OPCML: variants seen among roughly 807,000 people sequenced by gnomAD.
OPCML encodes the protein opioid-binding protein/cell adhesion molecule.
A neutral mutation model predicts 37.8 loss-of-function variants in OPCML; 13 were observed. The ratio of observed to expected loss-of-function variants is 0.34; its 90% confidence interval spans 0.22 to 0.55. The LOEUF (loss-of-function observed/expected upper bound fraction) is 0.55. Ranked by LOEUF, OPCML falls within the 20% of genes least tolerant of loss-of-function variation. OPCML has a pLI of 0.91. For synonymous variants in OPCML, 176 were observed against 168.8 expected, an observed-to-expected ratio of 1.04 and a Z score of -0.33; for missense variants, 341 against 435.6, an observed-to-expected ratio of 0.78 and a Z score of 1.93.
At chr11:133,507,703 G>A (rs1387278483) in intron 1 of OPCML, among the ~76,000 whole-genome samples, 1 of 152,126 alleles carries the variant, frequency 6.6e-6, no homozygotes, top group Admixed American at 6.5e-5. Context: ...CCAGCACTTT[G>A]GGAGGCCGAG....
chr11:132,990,243 T>C (rs1038947211), intron 1 of OPCML, among the ~76,000 whole-genome samples: 2 of 152,184 alleles, frequency 1.3e-5, no homozygotes, highest in African/African-American at 4.8e-5. Flanking sequence ...ACCGAGTCCT[T>C]TGTGTGCACA....
chr11:132,937,625 T>G (rs1945435469), intron 2 of OPCML, among the ~76,000 whole-genome samples: 1 of 145,246 alleles, frequency 6.9e-6, no homozygotes. Context: ...TGTGTGTGTG[T>G]GTGTGTGTGT....
intron 1 of OPCML, among the ~76,000 whole-genome samples, chr11:133,028,778 C>T (rs1472225166): frequency 6.6e-6 from 1 of 151,980 alleles, no homozygotes; most frequent in Non-Finnish European, 1.5e-5. Flanking sequence ...CTAGGAAATA[C>T]TCTTCCAGAC....
At chr11:132,954,443 T>A (rs1035787916) in intron 1 of OPCML, among the ~76,000 whole-genome samples, 2 of 151,986 alleles carry the variant, frequency 1.3e-5, no homozygotes, top group African/African-American at 4.8e-5. Flanking sequence ...TTTTAAAGAC[T>A]CAAAGGAAAA....
At chr11:133,039,356 G>T (rs1348636363) in intron 1 of OPCML, among the ~76,000 whole-genome samples, 1 of 152,170 alleles carries the variant, frequency 6.6e-6, no homozygotes, top group African/African-American at 2.4e-5. Flanking sequence ...CCAAGGACTA[G>T]TTTTTACATT....
At chr11:132,612,161 G>T (rs896224052) in intron 3 of OPCML, among the ~76,000 whole-genome samples, 6 of 152,148 alleles carry the variant, frequency 3.9e-5, no homozygotes, top group Non-Finnish European at 8.8e-5. Context: ...AAGAATGTAG[G>T]CTGGATCTCA....
chr11:133,298,969 T>A (rs1204638848), intron 1 of OPCML: 3 of 152,062 alleles, frequency 2.0e-5, no homozygotes, highest in African/African-American at 7.2e-5. Flanking sequence ...GAGAAGGAAG[T>A]TCTTAGACCC....
At chr11:132,931,391 G>A (rs74830730) in intron 2 of OPCML, among the ~76,000 whole-genome samples, 1 of 152,110 alleles carries the variant, frequency 6.6e-6, no homozygotes, top group African/African-American at 2.4e-5. Flanking sequence ...GCAATCCACA[G>A]AATGGGAGGG....
chr11:133,393,077 G>A (rs565911934), intron 1 of OPCML, among the ~76,000 whole-genome samples: 14 of 147,776 alleles, frequency 9.5e-5, no homozygotes, highest in African/African-American at 2.0e-4. Flanking sequence ...ATGATTTCAC[G>A]GTTTAAAACA....
intron 1 of OPCML, among the ~76,000 whole-genome samples, chr11:133,190,473 G>A (rs1444345107): frequency 1.3e-5 from 2 of 151,660 alleles, no homozygotes; most frequent in East Asian, 3.9e-4. Context: ...CATCTTTATT[G>A]AGATATAGTT....
chr11:132,593,659 G>A (rs2246352), intron 3 of OPCML, among the ~76,000 whole-genome samples: 42,629 of 151,994 alleles, frequency 0.28, 6,902 homozygotes, highest in East Asian at 0.65. Context: ...GAGAAATGGA[G>A]AGAATTCTCT....
intron 2 of OPCML, among the ~76,000 whole-genome samples, chr11:132,718,612 A>G (rs1372601727): frequency 1.3e-5 from 2 of 152,142 alleles, no homozygotes; most frequent in Non-Finnish European, 2.9e-5. Context: ...TGACGTGTCC[A>G]TACGTGTCCT....
chr11:132,665,665 A>G (rs1314387849), intron 2 of OPCML, among the ~76,000 whole-genome samples: 1 of 152,186 alleles, frequency 6.6e-6, no homozygotes, highest in African/African-American at 2.4e-5. Context: ...CAGAAAGGCC[A>G]GAGAAAGCTC....
chr11:132,897,403 C>G (rs1283939319), intron 2 of OPCML, among the ~76,000 whole-genome samples: 3 of 152,162 alleles, frequency 2.0e-5, no homozygotes, highest in Admixed American at 1.3e-4. Flanking sequence ...AGGGCATGCA[C>G]AGCAGCAGTC....
chr11:133,532,062 G>T, intron 1 of OPCML: 1 of 388,852 alleles, frequency 2.6e-6, no homozygotes, highest in South Asian at 1.1e-4. Flanking sequence ...AGCAAATCCC[G>T]TGCTGAAAGC....
chr11:132,809,656 T>G (rs1939214486), intron 2 of OPCML, among the ~76,000 whole-genome samples: 1 of 152,058 alleles, frequency 6.6e-6, no homozygotes, highest in South Asian at 2.1e-4. Context: ...ACTAAAAATT[T>G]TAATTAAAAA....
intron 1 of OPCML, among the ~76,000 whole-genome samples, chr11:133,508,709 G>A (rs765346315): frequency 3.9e-5 from 6 of 152,176 alleles, no homozygotes; most frequent in Admixed American, 6.5e-5. Context: ...CTTCTGCCCC[G>A]TGACTTTACA....
rs897244751 is a variant in OPCML, at chr11:132,591,068, C to T, written c.380-61882G>A. ...TTTCTCCTCCCTTCCGTCTTCTCTC[C>T]TGCTCAGATTTGCACAAAGCAAGAT... On this transcript the variant is annotated intron_variant, in intron 3 of 7. Coordinates refer to ENST00000524381, the MANE Select transcript of OPCML (RefSeq NM_001012393.5). 2.6e-5 allele frequency among the ~76,000 whole-genome samples: 4 copies of T among 152,164 alleles called. No individual in the cohort carries two copies. In the East Asian group the frequency reaches 7.7e-4, roughly 29 times the overall value.
intron 2 of OPCML, among the ~76,000 whole-genome samples, chr11:132,661,471 C>T (rs1401676238): frequency 1.3e-5 from 2 of 152,162 alleles, no homozygotes; most frequent in Non-Finnish European, 2.9e-5. Flanking sequence ...GGAAAGAGAA[C>T]TCAGGGAAGG....
Sources: allele counts gnomAD v4.1 joint callset (sites outside exome capture counted in the v4.1 genomes callset), GRCh38; gene constraint gnomAD v4.1.1; transcripts MANE v1.5; gene names NCBI Gene and HGNC (gene_info 2026-07-23, HGNC 2026-07-21).